Variants in DPY19L2 observed in about 807,000 individuals in gnomAD.
The protein encoded by DPY19L2 is dpy-19 like 2, also known as probable C-mannosyltransferase DPY19L2.
Under a neutral mutation model 97.9 loss-of-function variants are expected in DPY19L2, and 34 were observed. That is an observed-to-expected ratio of 0.35 (90% CI 0.26 to 0.46). The LOEUF (loss-of-function observed/expected upper bound fraction) is 0.46. DPY19L2 is among the 20% of genes least tolerant of loss of function. DPY19L2 has a pLI of 1.00. For synonymous variants in DPY19L2, 230 were observed against 307.9 expected, an observed-to-expected ratio of 0.75 and a Z score of 2.65; for missense variants, 623 against 911.4, an observed-to-expected ratio of 0.68 and a Z score of 4.07.
intron 12 of DPY19L2, among the ~76,000 whole-genome samples, chr12:63,601,617 CAG>C (rs1161593071): frequency 3.3e-5 from 5 of 152,102 alleles, no homozygotes; most frequent in South Asian, 2.1e-4. Context: ...AAAGGAAAGA[CAG>C]GGGTCAAAAT....
intron 21 of DPY19L2, among the ~76,000 whole-genome samples, chr12:63,567,164 AC>A (rs945656216): frequency 2.6e-5 from 4 of 151,592 alleles, no homozygotes; most frequent in African/African-American, 9.7e-5. Flanking sequence ...TCTCCTCCCT[AC>A]CCTTCCCACT....
intron 6 of DPY19L2, among the ~76,000 whole-genome samples, chr12:63,627,088 T>A (rs1889686357): frequency 2.0e-5 from 3 of 152,082 alleles, no homozygotes; most frequent in African/African-American, 7.2e-5. Context: ...CATAAAATCA[T>A]TTTTAAGAAA....
chr12:63,609,023 AAACT>A (rs949326761), intron 11 of DPY19L2, among the ~76,000 whole-genome samples: 1 of 152,204 alleles, frequency 6.6e-6, no homozygotes, highest in African/African-American at 2.4e-5. Flanking sequence ...TTAGTGAACT[AAACT>A]AACATGAAAA....
chr12:63,575,288 C>T (rs1192639125), intron 19 of DPY19L2, among the ~76,000 whole-genome samples: 1 of 151,744 alleles, frequency 6.6e-6, no homozygotes, highest in Non-Finnish European at 1.5e-5. Context: ...GAAAACACAA[C>T]ACATCAAAAC....
chr12:63,594,032 A>G, intron 16 of DPY19L2, 55 bp downstream of exon 16: 2 of 1,235,406 alleles, frequency 1.6e-6, no homozygotes, highest in Non-Finnish European at 2.3e-6. Flanking sequence ...ATGTTACAGT[A>G]AGTTATTTAA....
intron 6 of DPY19L2, among the ~76,000 whole-genome samples, chr12:63,637,555 A>G (rs761914009): frequency 1.3e-5 from 2 of 152,168 alleles, no homozygotes; most frequent in Non-Finnish European, 2.9e-5. Flanking sequence ...TCAGAAATAC[A>G]AACTACCATC....
At chr12:63,594,872 T>C (rs1883944310) in intron 15 of DPY19L2, among the ~76,000 whole-genome samples, 1 of 152,168 alleles carries the variant, frequency 6.6e-6, no homozygotes, top group Non-Finnish European at 1.5e-5. Context: ...CTTAGAAGAA[T>C]AATTTGACAT....
chr12:63,573,913 A>G (rs529824002), intron 19 of DPY19L2, among the ~76,000 whole-genome samples: 1 of 152,256 alleles, frequency 6.6e-6, no homozygotes, highest in South Asian at 2.1e-4. Context: ...AGACCTACCT[A>G]TAAGAAATGC....
chr12:63,569,667 A>G (rs909878096), intron 20 of DPY19L2, among the ~76,000 whole-genome samples: 5 of 152,182 alleles, frequency 3.3e-5, no homozygotes. Flanking sequence ...TTCAGAGAAT[A>G]TATTCTGACA....
intron 1 of DPY19L2, among the ~76,000 whole-genome samples, chr12:63,667,813 C>T (rs1316987499): frequency 2.6e-5 from 4 of 152,128 alleles, no homozygotes; most frequent in Non-Finnish European, 1.5e-5. Context: ...TCCCCTCAGC[C>T]TTTAAAACTC....
chr12:63,649,263 G>C (rs1263456951), intron 4 of DPY19L2, among the ~76,000 whole-genome samples: 1 of 152,070 alleles, frequency 6.6e-6, no homozygotes, highest in Non-Finnish European at 1.5e-5. Context: ...ATCACACCTA[G>C]AGGAACCAGA....
intron 21 of DPY19L2, among the ~76,000 whole-genome samples, chr12:63,568,465 C>T (rs1842995547): frequency 6.6e-6 from 1 of 151,986 alleles, no homozygotes; most frequent in African/African-American, 2.4e-5. Context: ...GCTTTGCAGT[C>T]TTTGGCTGCT....
chr12:63,600,660 A>G (rs903941410), intron 12 of DPY19L2, among the ~76,000 whole-genome samples: 5 of 149,940 alleles, frequency 3.3e-5, no homozygotes, highest in African/African-American at 1.2e-4. Flanking sequence ...TTAATAGCCA[A>G]GAAAGAAAGA....
rs1028591305 is a variant in DPY19L2 at position 63,626,581 on chromosome 12, C to G, written c.804-55G>C. 8.2e-4 allele frequency: 1,246 copies of G among 1,515,438 alleles called. 14 individuals are homozygous for G. The highest frequency in any genetic ancestry group is 1.7e-4 in the Non-Finnish European group (188 of 1,137,260). 93.9% of individuals were successfully genotyped at this position (1,515,438 alleles called of 1,614,324 possible). On this transcript the variant is annotated intron_variant, in intron 6 of 21. Coordinates refer to ENST00000324472, the MANE Select transcript of DPY19L2 (RefSeq NM_173812.5). ...ATACAATCAAAATTCATGTAAAATACAGTGAGTTTTTCACAAAATTACCTC... is the reference window on the plus strand; with the variant it reads ...ATACAATCAAAATTCATGTAAAATAGAGTGAGTTTTTCACAAAATTACCTC...
chr12:63,591,502 C>T lies in DPY19L2; in HGVS notation c.1580+2585G>A, dbSNP rs184836980. On this transcript the variant is annotated intron_variant, in intron 16 of 21. Transcript: ENST00000324472. ...CACTAAAAAACATGTCATTTGAGAT[C>T]ATATTTCCCTCAGAAGGAAATTTTC... 4.2e-3 allele frequency among the ~76,000 whole-genome samples: 645 copies of T among 152,196 alleles called. 7 individuals are homozygous for T. Among genetic ancestry groups the T allele is most frequent in the African/African-American group, 0.015 (615 of 41,532 alleles).
chr12:63,626,945 A>AT (rs1407061033), intron 6 of DPY19L2, among the ~76,000 whole-genome samples: 1 of 151,944 alleles, frequency 6.6e-6, no homozygotes, highest in Non-Finnish European at 1.5e-5. Flanking sequence ...CACCCGGCTA[A>AT]TTTTTTTACT....
intron 11 of DPY19L2, among the ~76,000 whole-genome samples, chr12:63,614,564 G>A (rs553030759): frequency 9.8e-4 from 149 of 152,158 alleles, no homozygotes; most frequent in African/African-American, 3.4e-3. Context: ...AATCATGTGC[G>A]TGGTGCAGTA....
chr12:63,647,415 CATAATA>C lies in DPY19L2; in HGVS notation c.589-56_589-51del, dbSNP rs55655430. 11 of 596,586 alleles carry C rather than the reference CATAATA, an allele frequency of 1.8e-5. 2 individuals carry two copies. The East Asian group carries it at 3.2e-4, about 17-fold the overall frequency. The allele number at this position is 596,586 out of a possible 1,614,324, so 37.0% of individuals were successfully genotyped here. A position where few individuals can be genotyped will look rare whatever the true frequency, so the allele number is the denominator to read the frequency against. On this transcript the variant is annotated intron_variant, in intron 4 of 21. Coordinates refer to ENST00000324472, the MANE Select transcript of DPY19L2 (RefSeq NM_173812.5). ...ATAATTGAGGTAAATACATTCTCTT[CATAATA>C]ATAATAATAATAATATATACCATGG...
rs7132994 is a variant in DPY19L2, at chr12:63,598,155, C to T, written c.1360-245G>A. ...AAAAGTAGAAAGAAGTTAGAAAAAACAAAGAGAAGATGATAAAGAGTGAGC... is the reference window on the plus strand; with the variant it reads ...AAAAGTAGAAAGAAGTTAGAAAAAATAAAGAGAAGATGATAAAGAGTGAGC... On this transcript the variant is annotated intron_variant, in intron 13 of 21. Coordinates refer to ENST00000324472, the MANE Select transcript of DPY19L2 (RefSeq NM_173812.5). 0.59 allele frequency among the ~76,000 whole-genome samples: 88,399 copies of T among 150,478 alleles called. 26,553 individuals carry two copies. Among genetic ancestry groups the T allele is most frequent in the African/African-American group, 0.74 (30,201 of 41,032 alleles).
Sources: gnomAD v4.1 joint callset for allele counts (sites outside exome capture counted in the v4.1 genomes callset) on GRCh38, gnomAD v4.1.1 for gene constraint, MANE v1.5 for transcripts, NCBI Gene and HGNC (gene_info 2026-07-23, HGNC 2026-07-21) for gene names.